The following PTPRG variants were observed in gnomAD, a reference collection of about 807,000 sequenced individuals.
The protein encoded by PTPRG is receptor-type tyrosine-protein phosphatase gamma.
PTPRG carries 102 observed loss-of-function variants against 165.3 expected under a neutral mutation model. The observed-to-expected ratio is 0.62, with a 90% CI of 0.53 to 0.73. PTPRG has a LOEUF of 0.73. Among genes scored for constraint, PTPRG ranks in the 30% least tolerant of loss-of-function variants. The pLI is 0.00. For synonymous variants in PTPRG, 675 were observed against 669.5 expected, an observed-to-expected ratio of 1.01 and a Z score of -0.13; for missense variants, 1,866 against 1,861.4, an observed-to-expected ratio of 1.00 and a Z score of -0.05.
chr3:61,646,456 CT>C (rs1702203892), intron 1 of PTPRG, among the ~76,000 whole-genome samples: 2 of 152,296 alleles, frequency 1.3e-5, no homozygotes, highest in Admixed American at 1.3e-4. Context: ...GTCCAAAACT[CT>C]TCTGGAATTA....
intron 2 of PTPRG, among the ~76,000 whole-genome samples, chr3:61,787,104 C>CAA (rs918052196): frequency 6.8e-6 from 1 of 146,058 alleles, no homozygotes. Context: ...CTTTGTGTGC[C>CAA]AAAAAAAAAA....
chr3:61,694,896 T>C (rs2030471746), intron 1 of PTPRG, among the ~76,000 whole-genome samples: 1 of 152,214 alleles, frequency 6.6e-6, no homozygotes, highest in Admixed American at 6.5e-5. Context: ...CTCTCTCTCA[T>C]TCACTCACAC....
intron 13 of PTPRG, among the ~76,000 whole-genome samples, chr3:62,220,735 G>A (rs1700632713): frequency 6.6e-6 from 1 of 152,142 alleles, no homozygotes; most frequent in Admixed American, 6.5e-5. Context: ...TGGTAAACTG[G>A]AGGCCACCTA....
At chr3:61,606,184 G>T (rs1338177463) in intron 1 of PTPRG, among the ~76,000 whole-genome samples, 2 of 152,210 alleles carry the variant, frequency 1.3e-5, no homozygotes, top group Non-Finnish European at 2.9e-5. Flanking sequence ...TCTCATCGGA[G>T]GCTCATTCTC....
intron 3 of PTPRG, among the ~76,000 whole-genome samples, chr3:61,998,112 C>T (rs804418): frequency 0.32 from 49,354 of 152,160 alleles, 8,245 homozygotes; most frequent in African/African-American, 0.39. Context: ...GTGTTATACA[C>T]ACATGTTGAA....
chr3:61,564,079 TGCCTCTACG>T (rs1290511985), intron 1 of PTPRG, among the ~76,000 whole-genome samples: 1 of 152,154 alleles, frequency 6.6e-6, no homozygotes, highest in South Asian at 2.1e-4. Context: ...ACTGGAGTCC[TGCCTCTACG>T]GCCTCTACGG....
intron 1 of PTPRG, among the ~76,000 whole-genome samples, chr3:61,672,635 G>A (rs975832852): frequency 2.6e-5 from 4 of 151,202 alleles, no homozygotes; most frequent in African/African-American, 9.7e-5. Context: ...AGGAGAATCA[G>A]GCAGGGAGGT....
At chr3:61,789,841 G>T (rs529709202) in intron 2 of PTPRG, among the ~76,000 whole-genome samples, 1 of 152,306 alleles carries the variant, frequency 6.6e-6, no homozygotes, top group Admixed American at 6.5e-5. Context: ...TGTAAGTGAG[G>T]TGAGATAAAA....
At chr3:62,126,849 A>C (rs1048062886) in intron 5 of PTPRG, among the ~76,000 whole-genome samples, 2 of 152,192 alleles carry the variant, frequency 1.3e-5, no homozygotes, top group African/African-American at 4.8e-5. Context: ...GACTTATTTC[A>C]TGGCAGTTTG....
chr3:61,572,420 C>A (rs6445225), intron 1 of PTPRG, among the ~76,000 whole-genome samples: 65,409 of 151,874 alleles, frequency 0.43, 14,274 homozygotes, highest in East Asian at 0.6. Context: ...AAACGAAGCT[C>A]GTTCTGGATC....
At chr3:61,796,773 A>C (rs1357819244) in intron 2 of PTPRG, among the ~76,000 whole-genome samples, 2 of 152,080 alleles carry the variant, frequency 1.3e-5, no homozygotes, top group Non-Finnish European at 2.9e-5. Context: ...TGTTGCTGTT[A>C]ACTTTATTGT....
rs551387241 is a variant in PTPRG, at chr3:61,705,002, A to G, written c.86-43876A>G. Among the ~76,000 whole-genome samples, 8 of 152,294 alleles carry G rather than the reference A, an allele frequency of 5.3e-5. No homozygotes were observed. In the East Asian group the frequency reaches 1.5e-3, roughly 29 times the overall value. On this transcript the variant is annotated intron_variant, in intron 1 of 29. Coordinates refer to ENST00000474889, the MANE Select transcript of PTPRG (RefSeq NM_002841.4). Reference sequence around the variant, plus strand: ...GAGCAGACCTGTTAAATCATGTTAAAGCCAGGCAGCTCCTGGGAGAACCCC... The same window carrying G: ...GAGCAGACCTGTTAAATCATGTTAAGGCCAGGCAGCTCCTGGGAGAACCCC...
intron 8 of PTPRG, among the ~76,000 whole-genome samples, chr3:62,189,982 C>T (rs1050282195): frequency 1.3e-5 from 2 of 152,196 alleles, no homozygotes; most frequent in Non-Finnish European, 2.9e-5. Context: ...GCTCTCAGCT[C>T]TCAGTTACAT....
chr3:61,890,667 A>C (rs922809508), intron 2 of PTPRG, among the ~76,000 whole-genome samples: 4 of 152,060 alleles, frequency 2.6e-5, no homozygotes, highest in African/African-American at 9.7e-5. Context: ...GCTGAATTTG[A>C]GAAAGAGTTT....
intron 2 of PTPRG, among the ~76,000 whole-genome samples, chr3:61,767,875 T>C (rs2034081197): frequency 6.8e-6 from 1 of 148,076 alleles, no homozygotes; most frequent in Admixed American, 7.0e-5. Context: ...GAGGCTTACA[T>C]AGGAGGATTG....
At chr3:62,045,776 G>T (rs1025274636) in intron 4 of PTPRG, among the ~76,000 whole-genome samples, 1 of 152,186 alleles carries the variant, frequency 6.6e-6, no homozygotes, top group South Asian at 2.1e-4. Flanking sequence ...AATTCTGATG[G>T]TATGCCATTG....
chr3:62,262,660 T>C (rs563971645), intron 16 of PTPRG, 138 bp from the exon 17 acceptor site: 2 of 494,510 alleles, frequency 4.0e-6, no homozygotes, highest in South Asian at 4.3e-5. Flanking sequence ...AATATATCAA[T>C]AATTATATCC....
chr3:61,925,296 T>A (rs1032164100), intron 2 of PTPRG, among the ~76,000 whole-genome samples: 1 of 152,234 alleles, frequency 6.6e-6, no homozygotes, highest in Non-Finnish European at 1.5e-5. Context: ...CTGTGTGTGT[T>A]CCTTTGTCCT....
chr3:61,754,721 G>A (rs1305582745), intron 2 of PTPRG, among the ~76,000 whole-genome samples: 1 of 152,174 alleles, frequency 6.6e-6, no homozygotes, highest in African/African-American at 2.4e-5. Flanking sequence ...TAAATAACAA[G>A]CTCCCCTGGT....
Sources: gnomAD v4.1 joint callset for allele counts (sites outside exome capture counted in the v4.1 genomes callset) on GRCh38, gnomAD v4.1.1 for gene constraint, MANE v1.5 for transcripts, NCBI Gene and HGNC (gene_info 2026-07-23, HGNC 2026-07-21) for gene names.